The following RRM2 variants were observed in gnomAD, a reference collection of about 807,000 sequenced individuals.
The protein encoded by RRM2 is ribonucleotide reductase regulatory subunit M2, also known as ribonucleoside-diphosphate reductase subunit M2.
In RRM2, 6 loss-of-function variants were observed where a neutral mutation model predicts 45.9. The ratio of observed to expected loss-of-function variants is 0.13; its 90% CI spans 0.07 to 0.26. The LOEUF is 0.26. RRM2 is among the 10% of genes least tolerant of loss of function. RRM2 has a pLI of 1.00. For synonymous variants in RRM2, 177 were observed against 173.0 expected (o/e 1.02, Z -0.18); for missense variants, 343 against 489.5 (o/e 0.70, Z 2.82).
chr2:10,150,462 A>G (rs973216364), intron 3 of RRM2, among the ~76,000 whole-genome samples: 4 of 150,426 alleles, frequency 2.7e-5, no homozygotes, highest in Non-Finnish European at 4.4e-5. Context: ...AAAAAAAAAA[A>G]GATGGCGTTT....
At chr2:10,142,103 C>T (rs945438200) in intron 2 of RRM2, 27 of 1,564,282 alleles carry the variant, frequency 1.7e-5, no homozygotes, top group Admixed American at 8.6e-5. Context: ...ATGTTTCAGG[C>T]GGAGGGTGGG....
intron 4 of RRM2, among the ~76,000 whole-genome samples, 183 bp from the exon 5 acceptor site, chr2:10,124,534 C>A (rs530344462): frequency 6.6e-6 from 1 of 152,268 alleles, no homozygotes; most frequent in South Asian, 2.1e-4. Flanking sequence ...TTATATGTAT[C>A]TATTTCCTGA....
At chr2:10,163,264 G>T (rs757473282) in intron 3 of RRM2, among the ~76,000 whole-genome samples, 13 of 151,002 alleles carry the variant, frequency 8.6e-5, no homozygotes, top group Admixed American at 4.0e-4. Context: ...AGCGCTTGAT[G>T]GTGAATGTCA....
intron 3 of RRM2, among the ~76,000 whole-genome samples, chr2:10,187,348 G>A (rs935004265): frequency 6.6e-6 from 1 of 152,226 alleles, no homozygotes; most frequent in African/African-American, 2.4e-5. Context: ...CCACGGTGCC[G>A]CAGGCTCAGA....
At chr2:10,180,325 A>G (rs1191601877) in intron 3 of RRM2, among the ~76,000 whole-genome samples, 1 of 152,192 alleles carries the variant, frequency 6.6e-6, no homozygotes, top group East Asian at 1.9e-4. Context: ...TTATAACTAA[A>G]TCATTCTGTG....
At chr2:10,143,155 G>A (rs1430893069) in intron 3 of RRM2, among the ~76,000 whole-genome samples, 2 of 152,212 alleles carry the variant, frequency 1.3e-5, no homozygotes, top group Admixed American at 6.5e-5. Context: ...TTACAGGCGT[G>A]AGCCACCATG....
chr2:10,151,578 G>A (rs1445512037), intron 3 of RRM2, among the ~76,000 whole-genome samples: 2 of 152,024 alleles, frequency 1.3e-5, no homozygotes, highest in African/African-American at 4.8e-5. Flanking sequence ...GATCACAGGC[G>A]TGAGCCACCA....
At chr2:10,201,159 A>AAG (rs1004472059) in intron 3 of RRM2, among the ~76,000 whole-genome samples, 5 of 150,906 alleles carry the variant, frequency 3.3e-5, no homozygotes, top group Admixed American at 6.6e-5. Context: ...AAAAAAAAAA[A>AAG]AAAGAAAGAA....
At chr2:10,151,880 A>T (rs1393468661) in intron 3 of RRM2, among the ~76,000 whole-genome samples, 1 of 152,160 alleles carries the variant, frequency 6.6e-6, no homozygotes, top group Non-Finnish European at 1.5e-5. Context: ...TTTTAAATGT[A>T]CTTATTTTTT....
At chr2:10,145,360 T>A (rs148386027) in intron 3 of RRM2, among the ~76,000 whole-genome samples, 1 of 152,214 alleles carries the variant, frequency 6.6e-6, no homozygotes, top group African/African-American at 2.4e-5. Context: ...AGAGACCTAG[T>A]GTGCACACTC....
rs1553329343 is a variant in RRM2, at chr2:10,199,789, A to AC, written n.483-10522_483-10521insC. 1.8e-4 allele frequency among the ~76,000 whole-genome samples: 26 copies of AC among 141,710 alleles called. 3 individuals are homozygous for AC. The highest frequency in any genetic ancestry group is 2.7e-4 in the African/African-American group (10 of 37,212). The allele number at this position is 141,710 out of a possible 152,430, so 93.0% of individuals were successfully genotyped here. On this transcript the variant is annotated intron_variant and non_coding_transcript_variant, in intron 3 of 3. Coordinates refer to the RRM2 transcript ENST00000381786. The stretch of plus-strand genomic sequence containing the variant: ...AGTGAGACTCAGTCTCAAAAAAAAA[A>AC]AAAAAAAAAAAAAAAAAAAACAAAT...
intron 3 of RRM2, chr2:10,142,440 C>T: frequency 2.2e-6 from 3 of 1,353,434 alleles, no homozygotes; most frequent in Non-Finnish European, 2.0e-6. Context: ...GCTTGCGGGG[C>T]CTGTCATCTG....
At chr2:10,148,125 C>T (rs889276981) in intron 3 of RRM2, among the ~76,000 whole-genome samples, 1 of 128,868 alleles carries the variant, frequency 7.8e-6, no homozygotes, top group Non-Finnish European at 1.5e-5. Flanking sequence ...GCCTGGGCAA[C>T]AGAGTGAGAC....
chr2:10,199,784 A>AC (rs890210874), intron 3 of RRM2, among the ~76,000 whole-genome samples: 10 of 129,824 alleles, frequency 7.7e-5, no homozygotes, highest in South Asian at 7.5e-4. Flanking sequence ...AGTCTCAAAA[A>AC]AAAAAAAAAA....
At chr2:10,133,472 G>T (rs745762842), downstream of RRM2, among the ~76,000 whole-genome samples, 13 of 152,206 alleles carry the variant, frequency 8.5e-5, no homozygotes, top group Non-Finnish European at 1.5e-4. Flanking sequence ...GAGGATCAGT[G>T]GCCCTGCCAG....
intron 2 of RRM2, 44 bp from the exon 3 acceptor site, chr2:10,123,343 A>G (rs762191202): frequency 4.8e-5 from 75 of 1,564,166 alleles, no homozygotes; most frequent in African/African-American, 1.4e-5. Context: ...TTAGTTTCAT[A>G]TGGTTCGCCC....
chr2:10,177,434 T>C (rs1039421309), intron 3 of RRM2, among the ~76,000 whole-genome samples: 1 of 152,200 alleles, frequency 6.6e-6, no homozygotes, highest in African/African-American at 2.4e-5. Flanking sequence ...AGAGATTCAG[T>C]GCACCTTGTA....
At chr2:10,175,526 ACT>A (rs1663897456) in intron 3 of RRM2, among the ~76,000 whole-genome samples, 1 of 151,952 alleles carries the variant, frequency 6.6e-6, no homozygotes, top group Admixed American at 6.6e-5. Context: ...TTAAACACTA[ACT>A]CTGTATTCCC....
intron 3 of RRM2, among the ~76,000 whole-genome samples, chr2:10,173,495 T>C (rs1397763109): frequency 6.6e-6 from 1 of 152,048 alleles, no homozygotes; most frequent in Non-Finnish European, 1.5e-5. Context: ...CCTCCGTCTG[T>C]CCCCCTACCT....
Sources: allele counts gnomAD v4.1 joint callset (sites outside exome capture counted in the v4.1 genomes callset), GRCh38; gene constraint gnomAD v4.1.1; transcripts MANE v1.5; gene names NCBI Gene and HGNC (gene_info 2026-07-23, HGNC 2026-07-21).